Variants in SMG6 observed in about 807,000 individuals in gnomAD.
SMG6 encodes SMG6 nonsense mediated mRNA decay factor.
In SMG6, 66 loss-of-function variants were observed where a neutral mutation model predicts 142.2. The observed-to-expected ratio is 0.46, with a 90% CI of 0.38 to 0.57. SMG6 has a LOEUF of 0.57. SMG6 is among the 20% of genes least tolerant of loss of function. The pLI is 0.00. For missense variants in SMG6, 1,793 were observed against 1,832.0 expected (o/e 0.98, Z 0.39); for synonymous variants, 779 against 702.4 (o/e 1.11, Z -1.72).
In SMG6 at chr17:2,188,401, T is replaced by C. The variant is rs140100252; in HGVS notation, c.2984A>G (p.Lys995Arg). The C allele has an allele frequency of 1.2e-4, 199 of 1,613,514 alleles. 1 individual carries two copies. The African/African-American group carries it at 2.2e-3, about 18-fold the overall frequency. ...RCTCLLKESA[K>R]AQLSSPEDQD... Reference sequence around the variant, plus strand: ...GGCTGGGGACTCCTCCTGCTTACCTTTGGCGGACTCCTTAAGTAAGCAGGT... The same window carrying C: ...GGCTGGGGACTCCTCCTGCTTACCTCTGGCGGACTCCTTAAGTAAGCAGGT... The change falls in exon 11 of 19, where the codon AAA (lysine) becomes AGA (arginine). Residue 995 changes from lysine (K) to arginine (R), a missense_variant and splice_region_variant. Around this residue, in one of 3 missense-constraint regions of SMG6, gnomAD observed 1,597 missense variants for 1,584.6 expected, o/e 1.01. Transcript: ENST00000263073.
chr17:2,085,835 C>T lies in SMG6; in HGVS notation c.3424G>A (p.Glu1142Lys). The T allele has an allele frequency of 6.2e-7, 1 of 1,614,216 alleles. No homozygotes were observed. The highest frequency in any genetic ancestry group is 8.5e-7 in the Non-Finnish European group (1 of 1,180,046). ...KYFLEALCGQ[E>K]EPLLAFKGGK... ...CCCTTGAATGCCAGCAGAGGCTCTT[C>T]TTGTCCACAAAGGGCTTCCAGAAAA... The change falls in exon 14 of 19, where the codon GAA becomes AAA. Residue 1142 changes from glutamate (E) to lysine (K), a missense_variant. By Grantham distance (56) the Glu-to-Lys change is moderately conservative (BLOSUM62 1). Transcript: ENST00000263073. The surrounding 1 kb of genome is among the most constrained non-coding windows in gnomAD (Gnocchi z 4.1).
chr17:2,244,672 C>G lies in SMG6; in HGVS notation c.2709G>C (p.Leu903=), dbSNP rs551196527. The G allele has an allele frequency of 6.2e-7, 1 of 1,613,620 alleles. No homozygotes were observed. The highest frequency in any genetic ancestry group is 1.3e-5 in the African/African-American group (1 of 75,032). ...ILSFLHAHGK[L]FTRIGMETFP... is the part of the protein sequence containing the mutation. Reference sequence around the variant, plus strand: ...TGCACACTTACCCAATCCGGGTAAACAGCTTCCCATGGGCATGGAGAAAAC... The same window carrying G: ...TGCACACTTACCCAATCCGGGTAAAGAGCTTCCCATGGGCATGGAGAAAAC... The change falls in exon 9 of 19, where the codon CTG becomes CTC. Residue 903 remains leucine, a synonymous_variant. Transcript: ENST00000263073.
At chr17:2,142,819 C>T (rs1324526720) in intron 13 of SMG6, among the ~76,000 whole-genome samples, 4 of 136,676 alleles carry the variant, frequency 2.9e-5, no homozygotes, top group South Asian at 4.9e-4. Flanking sequence ...ACCTGGGAGG[C>T]GGAGGTTGCG....
intron 8 of SMG6, among the ~76,000 whole-genome samples, chr17:2,266,714 G>A (rs1275645541): frequency 6.6e-6 from 1 of 152,132 alleles, no homozygotes; most frequent in Non-Finnish European, 1.5e-5. Context: ...TAAAAATAAA[G>A]CCCTGAAGTG....
chr17:2,074,237 CG>C (rs779800143), intron 15 of SMG6, among the ~76,000 whole-genome samples: 3,649 of 7,304 alleles, frequency 0.5, 88 homozygotes, highest in East Asian at 0.53. Flanking sequence ...CCACCATGCC[CG>C]CGCTTCTGAT....
At chr17:2,119,231 G>C (rs981424141) in intron 13 of SMG6, among the ~76,000 whole-genome samples, 1 of 151,458 alleles carries the variant, frequency 6.6e-6, no homozygotes, top group Non-Finnish European at 1.5e-5. Flanking sequence ...CTAATTTTTT[G>C]TATTTCTAGT....
intron 10 of SMG6, among the ~76,000 whole-genome samples, chr17:2,219,004 A>G (rs942499509): frequency 2.0e-5 from 3 of 152,222 alleles, no homozygotes; most frequent in African/African-American, 4.8e-5. Context: ...TGTAAAGTCT[A>G]TTTTTTAAAA....
chr17:2,135,510 T>G (rs1192013139), intron 13 of SMG6, among the ~76,000 whole-genome samples: 1 of 152,138 alleles, frequency 6.6e-6, no homozygotes, highest in Non-Finnish European at 1.5e-5. Flanking sequence ...TGAGTTATAC[T>G]TAGTGACTTT....
At chr17:2,099,740 C>G (rs538696075) in intron 13 of SMG6, among the ~76,000 whole-genome samples, 1 of 152,308 alleles carries the variant, frequency 6.6e-6, no homozygotes, top group South Asian at 2.1e-4. Context: ...AAATGGCTGC[C>G]ATACAGAACC....
chr17:2,256,971 T>C (rs969155128), intron 8 of SMG6, among the ~76,000 whole-genome samples: 2 of 151,634 alleles, frequency 1.3e-5, no homozygotes, highest in African/African-American at 4.8e-5. Context: ...TATGTATGTA[T>C]GTATTTATTT....
intron 10 of SMG6, among the ~76,000 whole-genome samples, chr17:2,205,840 G>A (rs2072661962): frequency 6.6e-6 from 1 of 151,966 alleles, no homozygotes. Context: ...ACAGATGCTA[G>A]CTCTGTCACC....
intron 8 of SMG6, among the ~76,000 whole-genome samples, chr17:2,245,430 G>C (rs2073907346): frequency 6.6e-6 from 1 of 152,164 alleles, no homozygotes; most frequent in Non-Finnish European, 1.5e-5. Context: ...CTGTCACCCA[G>C]GCTGGAGTGC....
At chr17:2,144,868 T>C (rs2070612338) in intron 13 of SMG6, among the ~76,000 whole-genome samples, 2 of 151,964 alleles carry the variant, frequency 1.3e-5, no homozygotes, top group South Asian at 2.1e-4. Flanking sequence ...CCTACATCAT[T>C]CCTCACCTAG....
At chr17:2,134,447 A>AC (rs2070227351) in intron 13 of SMG6, among the ~76,000 whole-genome samples, 2 of 150,984 alleles carry the variant, frequency 1.3e-5, no homozygotes, top group Non-Finnish European at 3.0e-5. Flanking sequence ...AAAAAAAAAA[A>AC]AGATAATGCC....
rs532505627 is a variant in SMG6 at position 2,173,313 on chromosome 17, G to C, written c.3156-454C>G. On this transcript the variant is annotated intron_variant, in intron 12 of 18. Coordinates refer to ENST00000263073, the MANE Select transcript of SMG6 (RefSeq NM_017575.5). ...TCCAGCCACAGCCATGGAGGGTCTA[G>C]TCACAATACAGCAAGAGTCATGCAT... is the stretch of plus-strand genomic sequence containing the variant. 4.3e-5 allele frequency: 8 copies of C among 187,586 alleles called. No homozygotes were observed. In the East Asian group the frequency reaches 6.4e-4, roughly 15 times the overall value. The allele number at this position is 187,586 out of a possible 1,614,324, so 11.6% of individuals were successfully genotyped here. A position where few individuals can be genotyped will look rare whatever the true frequency, so the allele number is the denominator to read the frequency against.
intron 10 of SMG6, among the ~76,000 whole-genome samples, chr17:2,215,058 G>A (rs973658215): frequency 2.6e-5 from 4 of 152,136 alleles, no homozygotes; most frequent in African/African-American, 9.7e-5. Context: ...TGCCAGCTAG[G>A]GAGCTAACAC....
intron 10 of SMG6, among the ~76,000 whole-genome samples, chr17:2,220,397 G>A (rs1036530715): frequency 2.0e-5 from 3 of 152,218 alleles, no homozygotes; most frequent in Admixed American, 6.5e-5. Flanking sequence ...TTGGGAGGCC[G>A]AGGAAGGAGG....
chr17:2,192,965 C>T (rs2072212255), intron 10 of SMG6, among the ~76,000 whole-genome samples: 1 of 152,136 alleles, frequency 6.6e-6, no homozygotes, highest in East Asian at 1.9e-4. Context: ...ACTAATACAC[C>T]CAAGCAAATT....
chr17:2,225,764 TAATTCC>T (rs1409280557), intron 10 of SMG6, among the ~76,000 whole-genome samples: 4 of 152,210 alleles, frequency 2.6e-5, no homozygotes, highest in African/African-American at 9.6e-5. Flanking sequence ...ATGCATGCTT[TAATTCC>T]TAGGGTAACC....
Sources: gnomAD v4.1 joint callset for allele counts (sites outside exome capture counted in the v4.1 genomes callset) on GRCh38, gnomAD v4.1.1 for gene constraint, gnomAD v4.1.1 regional missense constraint, Gnocchi (gnomAD v3.1) non-coding constraint, MANE v1.5 for transcripts, NCBI Gene and HGNC (gene_info 2026-07-23, HGNC 2026-07-21) for gene names.